The following LUZP2 variants were observed in gnomAD, a reference collection of about 807,000 sequenced individuals.
LUZP2 encodes the protein leucine zipper protein 2.
In LUZP2, 52 loss-of-function variants were observed where a neutral mutation model predicts 51.6. The observed-to-expected ratio is 1.01, with a 90% CI of 0.81 to 1.27. The LOEUF (loss-of-function observed/expected upper bound fraction) is 1.27. Among genes scored for constraint, LUZP2 ranks in the 50% most tolerant of loss-of-function variants. LUZP2 has a pLI of 0.00. For synonymous variants in LUZP2, 154 were observed against 137.3 expected (o/e 1.12, Z -0.85); for missense variants, 436 against 395.4 (o/e 1.10, Z -0.87).
In LUZP2 at chr11:24,930,434, A is replaced by G. The variant is rs147552653; in HGVS notation, c.522+15896A>G. ...CATAGCGCTGGCTTAGCATTGGCAAAATCGCTCAGTATTGTTTGTCTGAAA... is the reference window on the plus strand; with the variant it reads ...CATAGCGCTGGCTTAGCATTGGCAAGATCGCTCAGTATTGTTTGTCTGAAA... On this transcript the variant is annotated intron_variant, in intron 7 of 11. Coordinates refer to ENST00000336930, the MANE Select transcript of LUZP2 (RefSeq NM_001009909.4). Among the ~76,000 whole-genome samples the G allele has an allele frequency of 8.7e-3, 1,318 of 152,280 alleles. 15 individuals are homozygous for G. Among genetic ancestry groups the G allele is most frequent in the African/African-American group, 0.026 (1,081 of 41,556 alleles).
At chr11:24,688,705 AG>A (rs550015943) in intron 1 of LUZP2, among the ~76,000 whole-genome samples, 282 of 152,200 alleles carry the variant, frequency 1.9e-3, no homozygotes, top group Non-Finnish European at 3.3e-3. Flanking sequence ...GCATATAATT[AG>A]TACCTGGTTT....
rs1855690674 is a variant in LUZP2, at chr11:24,969,698, C to T, written c.523-6893C>T. Among the ~76,000 whole-genome samples the T allele has an allele frequency of 2.0e-5, 3 of 152,106 alleles. No individual in the cohort carries two copies. In the South Asian group the frequency reaches 6.2e-4, roughly 31 times the overall value. On this transcript the variant is annotated intron_variant, in intron 7 of 11. Coordinates refer to ENST00000336930, the MANE Select transcript of LUZP2 (RefSeq NM_001009909.4). ...CCTAAATCAATTTTCAATTATTTAACTAGAGAGTTAAGAGATAGAGTGATT... is the reference window on the plus strand; with the variant it reads ...CCTAAATCAATTTTCAATTATTTAATTAGAGAGTTAAGAGATAGAGTGATT...
chr11:24,725,769 A>G (rs897481568), intron 1 of LUZP2, among the ~76,000 whole-genome samples: 1 of 152,208 alleles, frequency 6.6e-6, no homozygotes, highest in African/African-American at 2.4e-5. Flanking sequence ...AGTACATTAG[A>G]TGTAACTTCA....
chr11:24,999,803 G>T lies in LUZP2; in HGVS notation c.765+16510G>T, dbSNP rs563774845. On this transcript the variant is annotated intron_variant, in intron 9 of 11. Coordinates refer to ENST00000336930, the MANE Select transcript of LUZP2 (RefSeq NM_001009909.4). ...ATTGGTTCCTTCTGGTGGGTTGTTGGTCTCACTGACTTCAAGAATGAAGCT... is the reference window on the plus strand; with the variant it reads ...ATTGGTTCCTTCTGGTGGGTTGTTGTTCTCACTGACTTCAAGAATGAAGCT... 2.6e-5 allele frequency among the ~76,000 whole-genome samples: 4 copies of T among 152,280 alleles called. No homozygotes were observed. In the East Asian group the frequency reaches 5.8e-4, roughly 22 times the overall value.
rs566526164 is a variant in LUZP2, at chr11:24,503,606, G to C, written c.62+6301G>C. 2.0e-5 allele frequency among the ~76,000 whole-genome samples: 3 copies of C among 152,212 alleles called. No individual in the cohort carries two copies. In the South Asian group the frequency reaches 6.2e-4, roughly 32 times the overall value. On this transcript the variant is annotated intron_variant, in intron 1 of 11. Transcript: ENST00000336930. ...TTTAAGTGTACTTTAAAAAGCCTAC[G>C]ATTGGGACACATATTGTGAACACAA...
intron 1 of LUZP2, among the ~76,000 whole-genome samples, chr11:24,507,684 C>A (rs1850183270): frequency 6.6e-6 from 1 of 151,938 alleles, no homozygotes; most frequent in African/African-American, 2.4e-5. Flanking sequence ...GGCAAAAAAA[C>A]CAAGACCTAC....
intron 10 of LUZP2, among the ~76,000 whole-genome samples, chr11:25,067,172 T>TA (rs1859021794): frequency 6.6e-6 from 1 of 152,020 alleles, no homozygotes; most frequent in African/African-American, 2.4e-5. Context: ...TGAGTCATTT[T>TA]AAAAAGGAAC....
chr11:24,771,430 G>T (rs1452044788), intron 5 of LUZP2, among the ~76,000 whole-genome samples: 2 of 50,126 alleles, frequency 4.0e-5, no homozygotes, highest in African/African-American at 1.2e-4. Flanking sequence ...GCATTTCTCA[G>T]AATTATTTTC....
At chr11:24,992,197 C>T (rs1856369584) in intron 9 of LUZP2, among the ~76,000 whole-genome samples, 1 of 152,080 alleles carries the variant, frequency 6.6e-6, no homozygotes, top group Non-Finnish European at 1.5e-5. Context: ...GTTTCCATTG[C>T]ATCACCAATA....
At chr11:24,849,828 T>C (rs1391266730) in intron 5 of LUZP2, among the ~76,000 whole-genome samples, 1 of 152,234 alleles carries the variant, frequency 6.6e-6, no homozygotes, top group African/African-American at 2.4e-5. Context: ...TTAACTGGCA[T>C]GAGATGGTAT....
At chr11:25,031,468 G>A (rs1867755) in intron 9 of LUZP2, among the ~76,000 whole-genome samples, 86,978 of 152,010 alleles carry the variant, frequency 0.57, 26,194 homozygotes, top group African/African-American at 0.75. Context: ...AACTTCAGCT[G>A]CAAACATTTT....
chr11:24,692,444 CT>C (rs1304496806), intron 1 of LUZP2, among the ~76,000 whole-genome samples: 1 of 151,994 alleles, frequency 6.6e-6, no homozygotes, highest in Non-Finnish European at 1.5e-5. Context: ...TGAAGTTAAG[CT>C]TTTCAAACCC....
At chr11:24,683,457 A>G (rs566323868) in intron 1 of LUZP2, among the ~76,000 whole-genome samples, 2 of 152,326 alleles carry the variant, frequency 1.3e-5, no homozygotes, top group African/African-American at 4.8e-5. Flanking sequence ...ATTTCACTTT[A>G]TATTTCAACA....
intron 1 of LUZP2, among the ~76,000 whole-genome samples, chr11:24,581,854 A>C (rs1590205925): frequency 6.6e-6 from 1 of 152,126 alleles, no homozygotes; most frequent in African/African-American, 2.4e-5. Context: ...CATCTCATTA[A>C]GAGGAAACAG....
chr11:24,531,647 T>C (rs1469065840), intron 1 of LUZP2, among the ~76,000 whole-genome samples: 2 of 150,956 alleles, frequency 1.3e-5, no homozygotes, highest in South Asian at 2.1e-4. Context: ...AGTAGAACTT[T>C]TTTAGCTTTC....
rs1334697966 is a variant in LUZP2, at chr11:24,983,525, A to G, written c.765+232A>G. ...GCCTAGCTGATTCTTAGGCAGAATC[A>G]TCTAATTGTTTAACACAAAACAAAA... On this transcript the variant is annotated intron_variant, in intron 9 of 11. Transcript: ENST00000336930. 2.6e-5 allele frequency among the ~76,000 whole-genome samples: 4 copies of G among 151,814 alleles called. No homozygotes were observed. The Admixed American group carries it at 2.6e-4, about 10-fold the overall frequency.
intron 8 of LUZP2, among the ~76,000 whole-genome samples, chr11:24,978,862 T>A (rs1855950893): frequency 6.6e-6 from 1 of 151,660 alleles, no homozygotes; most frequent in Non-Finnish European, 1.5e-5. Flanking sequence ...TGTTCCTCCA[T>A]CTTTAGTTGT....
intron 1 of LUZP2, among the ~76,000 whole-genome samples, chr11:24,662,973 A>T (rs1310676276): frequency 6.6e-6 from 1 of 152,080 alleles, no homozygotes; most frequent in Non-Finnish European, 1.5e-5. Flanking sequence ...GTTTAGAAAA[A>T]TAGGAAAGGG....
intron 7 of LUZP2, among the ~76,000 whole-genome samples, chr11:24,969,139 G>C (rs1246331882): frequency 6.6e-6 from 1 of 152,066 alleles, no homozygotes; most frequent in South Asian, 2.1e-4. Flanking sequence ...TATCTTTTCT[G>C]CTTCTCTCCC....
Sources: gnomAD v4.1 joint callset for allele counts (sites outside exome capture counted in the v4.1 genomes callset) on GRCh38, gnomAD v4.1.1 for gene constraint, MANE v1.5 for transcripts, NCBI Gene and HGNC (gene_info 2026-07-23, HGNC 2026-07-21) for gene names.